DNAJC1: variants seen among roughly 807,000 people sequenced by gnomAD.
DNAJC1 encodes dnaJ homolog subfamily C member 1.
DNAJC1 carries 58 observed loss-of-function variants against 76.6 expected under a neutral mutation model. That is an observed-to-expected ratio of 0.76 (90% CI 0.61 to 0.94). DNAJC1 has a LOEUF of 0.94. Ranked by LOEUF, DNAJC1 falls within the 40% of genes least tolerant of loss-of-function variation. The pLI is 0.00. For missense variants in DNAJC1, 689 were observed against 677.3 expected (o/e 1.02, Z -0.19); for synonymous variants, 258 against 267.9 (o/e 0.96, Z 0.36).
intron 8 of DNAJC1, among the ~76,000 whole-genome samples, chr10:21,877,921 A>G (rs977227443): frequency 2.0e-5 from 3 of 152,218 alleles, no homozygotes; most frequent in African/African-American, 7.2e-5. Flanking sequence ...TTGCATGCTT[A>G]TGTACTGCAT....
chr10:21,906,993 CTTATGTGACCT>C (rs1564823495), intron 6 of DNAJC1, among the ~76,000 whole-genome samples: 1 of 152,128 alleles, frequency 6.6e-6, no homozygotes, highest in Non-Finnish European at 1.5e-5. Context: ...TATCTTCTTG[CTTATGTGACCT>C]TTTTAATTGC....
chr10:21,812,458 T>G lies in DNAJC1; in HGVS notation c.979-6359A>C, dbSNP rs1379978401. 2.6e-5 allele frequency among the ~76,000 whole-genome samples: 4 copies of G among 152,256 alleles called. No homozygotes were observed. The East Asian group carries it at 7.7e-4, about 29-fold the overall frequency. On this transcript the variant is annotated intron_variant, in intron 8 of 11. Coordinates refer to ENST00000376980, the MANE Select transcript of DNAJC1 (RefSeq NM_022365.4). ...TTTGACCATTTGTTAATTGGTTGTC[T>G]TCTTATTAGTTTTAAGATTTTTTTA...
chr10:21,837,036 G>A (rs983725643), intron 8 of DNAJC1, among the ~76,000 whole-genome samples: 6 of 152,180 alleles, frequency 3.9e-5, no homozygotes, highest in East Asian at 1.9e-4. Context: ...TCAGCCTGCC[G>A]AGTGCCTGGG....
chr10:21,918,952 A>G (rs1836997335), intron 5 of DNAJC1, 80 bp from the exon 6 acceptor site: 2 of 950,610 alleles, frequency 2.1e-6, no homozygotes, highest in Non-Finnish European at 3.3e-6. Flanking sequence ...ATAATTCTAT[A>G]AAGATCATGA....
chr10:21,834,093 T>C (rs1374631414), intron 8 of DNAJC1, among the ~76,000 whole-genome samples: 1 of 151,870 alleles, frequency 6.6e-6, no homozygotes, highest in Non-Finnish European at 1.5e-5. Context: ...TGAAACCCCA[T>C]CTCTACTAAA....
chr10:21,863,570 C>A (rs1452809763), intron 8 of DNAJC1, among the ~76,000 whole-genome samples: 1 of 151,924 alleles, frequency 6.6e-6, no homozygotes, highest in African/African-American at 2.4e-5. Context: ...AAATTATAGA[C>A]CAATATGTAC....
intron 1 of DNAJC1, among the ~76,000 whole-genome samples, chr10:21,985,065 T>C (rs1053512534): frequency 5.3e-5 from 8 of 152,208 alleles, no homozygotes; most frequent in African/African-American, 1.9e-4. Context: ...TTCCAACAGC[T>C]TGGTTGAGGT....
At chr10:21,827,220 G>T (rs935341158) in intron 8 of DNAJC1, among the ~76,000 whole-genome samples, 2 of 152,050 alleles carry the variant, frequency 1.3e-5, no homozygotes, top group African/African-American at 4.8e-5. Context: ...TTGCTTACTG[G>T]AGGTCAGTTT....
intron 8 of DNAJC1, among the ~76,000 whole-genome samples, chr10:21,834,532 C>A (rs1835417921): frequency 1.3e-5 from 2 of 152,200 alleles, no homozygotes; most frequent in African/African-American, 2.4e-5. Context: ...CATCGCCTCA[C>A]CCTGGAAGCC....
chr10:21,764,340 TAAC>T (rs1454762511), intron 10 of DNAJC1, among the ~76,000 whole-genome samples: 2 of 152,238 alleles, frequency 1.3e-5, no homozygotes, highest in African/African-American at 2.4e-5. Flanking sequence ...TCTCTCAAAA[TAAC>T]AACAATTGGT....
chr10:21,864,767 C>T (rs193031076), intron 8 of DNAJC1, among the ~76,000 whole-genome samples: 9 of 152,090 alleles, frequency 5.9e-5, no homozygotes, highest in East Asian at 3.9e-4. Flanking sequence ...AAAAACTTTA[C>T]TCTTCAAATG....
At chr10:21,850,621 T>C (rs1046478989) in intron 8 of DNAJC1, among the ~76,000 whole-genome samples, 9 of 151,540 alleles carry the variant, frequency 5.9e-5, no homozygotes, top group Admixed American at 5.9e-4. Context: ...TGCACATCAA[T>C]GCAATACCCA....
Position 21,985,206 on chromosome 10 carries a change from C to T in DNAJC1, c.222+18007G>A, listed in dbSNP as rs1032994931. On this transcript the variant is annotated intron_variant, in intron 1 of 11. Transcript: ENST00000376980. The stretch of plus-strand genomic sequence containing the variant: ...TCATCCTACAGAGATCTCTCCCATC[C>T]GTGTGCAATCAATCCCCATCCCCAG... 8.3e-4 allele frequency among the ~76,000 whole-genome samples: 125 copies of T among 151,360 alleles called. 1 individual carries two copies. Among genetic ancestry groups the T allele is most frequent in the African/African-American group, 3.0e-3 (124 of 41,212 alleles).
intron 8 of DNAJC1, among the ~76,000 whole-genome samples, chr10:21,819,604 T>C (rs993436237): frequency 2.6e-5 from 4 of 152,148 alleles, no homozygotes; most frequent in Non-Finnish European, 5.9e-5. Flanking sequence ...CATTTGATAT[T>C]GATTTTTAAA....
intron 8 of DNAJC1, among the ~76,000 whole-genome samples, chr10:21,868,568 CAA>C (rs1340028414): frequency 6.6e-6 from 1 of 152,026 alleles, no homozygotes; most frequent in Non-Finnish European, 1.5e-5. Context: ...AAGTTGATCT[CAA>C]GAGGTCACAT....
At chr10:21,945,449 T>C (rs1590061110) in intron 1 of DNAJC1, among the ~76,000 whole-genome samples, 3 of 152,248 alleles carry the variant, frequency 2.0e-5, no homozygotes, top group East Asian at 3.9e-4. Flanking sequence ...GAGAGGACTT[T>C]AAATATAGGT....
chr10:21,983,681 A>G (rs959232243), intron 1 of DNAJC1, among the ~76,000 whole-genome samples: 3 of 150,276 alleles, frequency 2.0e-5, no homozygotes, highest in African/African-American at 7.4e-5. Flanking sequence ...AGATTGCACC[A>G]CTACATTCCA....
At chr10:21,940,553 T>C (rs1023369623) in intron 1 of DNAJC1, among the ~76,000 whole-genome samples, 1 of 152,172 alleles carries the variant, frequency 6.6e-6, no homozygotes, top group Non-Finnish European at 1.5e-5. Context: ...TCGAGCACAG[T>C]AGAAGGATGT....
At chr10:21,861,408 T>C (rs550055723) in intron 8 of DNAJC1, among the ~76,000 whole-genome samples, 25 of 152,144 alleles carry the variant, frequency 1.6e-4, no homozygotes, top group Non-Finnish European at 2.6e-4. Context: ...TCAGTATTAA[T>C]ATTATATATA....
Sources: allele counts gnomAD v4.1 joint callset (sites outside exome capture counted in the v4.1 genomes callset), GRCh38; gene constraint gnomAD v4.1.1; transcripts MANE v1.5; gene names NCBI Gene and HGNC (gene_info 2026-07-23, HGNC 2026-07-21).